Variants in MAOB observed in about 807,000 individuals in gnomAD.
MAOB encodes the protein monoamine oxidase B.
Under a neutral mutation model 41.9 loss-of-function variants are expected in MAOB, and 15 were observed. The ratio of observed to expected loss-of-function variants is 0.36; its 90% CI spans 0.24 to 0.55. The LOEUF (loss-of-function observed/expected upper bound fraction) is 0.55. Among genes scored for constraint, MAOB ranks in the 20% least tolerant of loss-of-function variants. The probability of loss-of-function intolerance (pLI) is 0.86; values close to 1 mark genes in which losing one functional copy is unlikely to be tolerated. For missense variants in MAOB, 345 were observed against 398.7 expected (o/e 0.87, Z 1.15); for synonymous variants, 167 against 144.2 (o/e 1.16, Z -1.13).
At chrX:43,873,414 T>C (rs1188657763) in intron 1 of MAOB, among the ~76,000 whole-genome samples, 1 of 110,738 alleles carries the variant, frequency 9.0e-6, no homozygotes, top group East Asian at 2.8e-4. Context: ...GACATTTTCA[T>C]CATTGTGTAA....
At chrX:43,860,620 CTAAGA>C (rs2035325515) in intron 1 of MAOB, among the ~76,000 whole-genome samples, 1 of 111,651 alleles carries the variant, frequency 9.0e-6, no homozygotes, top group Non-Finnish European at 1.9e-5. Context: ...TCTTGCCTTT[CTAAGA>C]TATCAAATTA....
At chrX:43,805,196 T>C (rs1302497029) in intron 3 of MAOB, among the ~76,000 whole-genome samples, 3 of 111,622 alleles carry the variant, frequency 2.7e-5, no homozygotes, top group African/African-American at 9.8e-5. Context: ...TCTTAGCAAT[T>C]TTCAAGACTA....
rs1201067123 is a variant in MAOB at position 43,850,201 on chromosome X, C to T, written c.47-6437G>A. ...TGTTTCTTTGTCTTAATGGGTGTTG[C>T]CTCAGCCTTATTACCTCCTATAACA... is the stretch of plus-strand genomic sequence containing the variant. On this transcript the variant is annotated intron_variant, in intron 1 of 14. Transcript: ENST00000378069. 2.3e-5 allele frequency: 5 copies of T among 218,352 alleles called. No individual in the cohort carries two copies. In the East Asian group the frequency reaches 1.2e-3, roughly 53 times the overall value. The allele number at this position is 218,352 out of a possible 1,213,427, so 18.0% of individuals were successfully genotyped here.
chrX:43,823,636 T>C (rs987130394), intron 3 of MAOB, among the ~76,000 whole-genome samples: 1 of 111,980 alleles, frequency 8.9e-6, no homozygotes, highest in Non-Finnish European at 1.9e-5. Context: ...GTTTCTTTCA[T>C]AGCTAGGAGA....
chrX:43,829,749 T>C (rs1204372132), intron 3 of MAOB, among the ~76,000 whole-genome samples: 2 of 112,443 alleles, frequency 1.8e-5, no homozygotes, highest in African/African-American at 6.5e-5. Context: ...TGCGATGTAC[T>C]GTAGGGTCTC....
chrX:43,869,553 C>T (rs919302115), intron 1 of MAOB, among the ~76,000 whole-genome samples: 8 of 111,757 alleles, frequency 7.2e-5, no homozygotes, highest in Non-Finnish European at 1.5e-4. Context: ...TCCTGCCTTT[C>T]TCAATAAAAC....
intron 7 of MAOB, among the ~76,000 whole-genome samples, chrX:43,794,931 C>T (rs1206638885): frequency 9.2e-6 from 1 of 108,529 alleles, no homozygotes; most frequent in Non-Finnish European, 1.9e-5. Context: ...GTGCTTTTTT[C>T]CATTCTCTCA....
intron 3 of MAOB, among the ~76,000 whole-genome samples, chrX:43,819,466 C>T (rs759535986): frequency 9.0e-6 from 1 of 111,593 alleles, no homozygotes; most frequent in Non-Finnish European, 1.9e-5. Flanking sequence ...TCCACTGCAA[C>T]TACATCACAC....
At chrX:43,831,915 T>C (rs1182101975) in intron 3 of MAOB, among the ~76,000 whole-genome samples, 2 of 112,191 alleles carry the variant, frequency 1.8e-5, no homozygotes, top group East Asian at 5.6e-4. Flanking sequence ...ATTCTGATTT[T>C]GTTGATTATA....
chrX:43,803,622 C>T (rs2034625775), intron 3 of MAOB, among the ~76,000 whole-genome samples: 1 of 111,771 alleles, frequency 8.9e-6, no homozygotes, highest in African/African-American at 3.3e-5. Flanking sequence ...ACTGCCACAC[C>T]AAGCACGGTA....
chrX:43,821,564 G>A lies in MAOB; in HGVS notation c.279+17304C>T, dbSNP rs761934285. On this transcript the variant is annotated intron_variant, in intron 3 of 14. Transcript: ENST00000378069. ...GAAAAGTTCTTGGTAACCTGGGTAC[G>A]TGCCTTAGTACAATATACAAGGATG... is the stretch of plus-strand genomic sequence containing the variant. 1.2e-4 allele frequency among the ~76,000 whole-genome samples: 13 copies of A among 111,836 alleles called. No individual in the cohort carries two copies. The South Asian group carries it at 4.1e-3, about 36-fold the overall frequency.
chrX:43,786,101 A>G (rs932653194), intron 8 of MAOB, among the ~76,000 whole-genome samples: 2 of 112,033 alleles, frequency 1.8e-5, no homozygotes, highest in African/African-American at 6.5e-5. Context: ...GTGAAGTTCA[A>G]TAAAAAGAGG....
intron 1 of MAOB, among the ~76,000 whole-genome samples, chrX:43,865,618 A>G (rs954180875): frequency 5.2e-4 from 58 of 111,640 alleles, no homozygotes; most frequent in African/African-American, 1.9e-3. Flanking sequence ...AAATTTTAGA[A>G]CTCAATAAGA....
chrX:43,780,478 A>G, intron 9 of MAOB, 83 bp from the exon 10 acceptor site: 1 of 629,026 alleles, frequency 1.6e-6, no homozygotes, highest in Admixed American at 2.6e-5. Context: ...ACATGTGCCC[A>G]GTTTACACAG....
chrX:43,815,041 G>A (rs1045852505), intron 3 of MAOB, among the ~76,000 whole-genome samples: 4 of 111,115 alleles, frequency 3.6e-5, no homozygotes, highest in African/African-American at 1.3e-4. Flanking sequence ...AAAGAATAAG[G>A]GTGTGTTCAG....
intron 1 of MAOB, among the ~76,000 whole-genome samples, chrX:43,856,721 T>C (rs1243350768): frequency 9.1e-6 from 1 of 110,368 alleles, no homozygotes; most frequent in Non-Finnish European, 1.9e-5. Flanking sequence ...AGCGAAAATA[T>C]ATTTACTATT....
At chrX:43,806,432 G>A (rs1226677614) in intron 3 of MAOB, among the ~76,000 whole-genome samples, 1 of 111,598 alleles carries the variant, frequency 9.0e-6, no homozygotes, top group East Asian at 2.8e-4. Context: ...TTTAGATTAG[G>A]ACTATGAATT....
chrX:43,843,628 G>A, intron 2 of MAOB, 42 bp downstream of exon 2: 2 of 1,167,478 alleles, frequency 1.7e-6, no homozygotes, highest in Non-Finnish European at 2.3e-6. Context: ...CCCAAACTCA[G>A]CTTCAGTCCC....
Position 43,766,730 on chromosome X carries a change from A to G in MAOB, c.*736T>C, listed in dbSNP as rs1268836865. On this transcript the variant is annotated 3_prime_UTR_variant, in exon 15 of 15. Coordinates refer to ENST00000378069, the MANE Select transcript of MAOB (RefSeq NM_000898.5). ...TTCTACCATCAAAAAAGTTAAAATC[A>G]GCTGGAGACACACCGCACAAAACAG... is the stretch of plus-strand genomic sequence containing the variant. 8.9e-6 allele frequency: 1 copy of G among 112,216 alleles called. No individual in the cohort carries two copies. Among genetic ancestry groups the G allele is most frequent in the Non-Finnish European group, 1.9e-5 (1 of 53,313 alleles). 9.2% of individuals were successfully genotyped at this position (112,216 alleles called of 1,213,427 possible). A position where few individuals can be genotyped will look rare whatever the true frequency, so the allele number is the denominator to read the frequency against.
Sources: gnomAD v4.1 joint callset for allele counts (sites outside exome capture counted in the v4.1 genomes callset) on GRCh38, gnomAD v4.1.1 for gene constraint, MANE v1.5 for transcripts, NCBI Gene and HGNC (gene_info 2026-07-23, HGNC 2026-07-21) for gene names.